Variants in CRYBG3 observed in about 807,000 individuals in gnomAD.
CRYBG3 encodes crystallin beta-gamma domain containing 3.
In CRYBG3, 127 loss-of-function variants were observed where a neutral mutation model predicts 244.2. The ratio of observed to expected loss-of-function variants is 0.52; its 90% CI spans 0.45 to 0.60. The LOEUF is 0.60. Ranked by LOEUF, CRYBG3 falls within the 20% of genes least tolerant of loss-of-function variation. The probability of loss-of-function intolerance (pLI) is 0.00; values close to 1 mark genes in which losing one functional copy is unlikely to be tolerated. For synonymous variants in CRYBG3, 1,132 were observed against 1,195.8 expected, an observed-to-expected ratio of 0.95 and a Z score of 1.10; for missense variants, 3,325 against 3,442.5, an observed-to-expected ratio of 0.97 and a Z score of 0.85.
intron 4 of CRYBG3, 68 bp downstream of exon 4, chr3:97,878,105 C>T: frequency 1.4e-6 from 2 of 1,379,536 alleles, no homozygotes; most frequent in Middle Eastern, 2.0e-4. Context: ...TATCTAAAGG[C>T]TTATTAAGAA....
chr3:97,942,219 G>A (rs779007662), intron 20 of CRYBG3, 65 bp from the exon 21 acceptor site: 68 of 1,419,182 alleles, frequency 4.8e-5, no homozygotes, highest in Non-Finnish European at 6.4e-5. Context: ...AAGATAAAAG[G>A]GACCTAATTC....
intron 15 of CRYBG3, among the ~76,000 whole-genome samples, chr3:97,910,262 G>C (rs1384234181): frequency 2.0e-5 from 3 of 151,650 alleles, no homozygotes; most frequent in South Asian, 4.2e-4. Context: ...TCCTTGAGCT[G>C]TGGTGGGCTC....
intron 2 of CRYBG3, among the ~76,000 whole-genome samples, chr3:97,861,553 G>A (rs1156600326): frequency 6.6e-6 from 1 of 152,140 alleles, no homozygotes; most frequent in Admixed American, 6.6e-5. Context: ...TATTGAACAT[G>A]AGGGAAAAAC....
At chr3:97,825,430 A>T (rs1012150388) in intron 1 of CRYBG3, among the ~76,000 whole-genome samples, 1 of 152,226 alleles carries the variant, frequency 6.6e-6, no homozygotes, top group African/African-American at 2.4e-5. Flanking sequence ...CTGTGCACTT[A>T]CTTCTGGGCT....
chr3:97,917,960 C>T (rs922222246), intron 17 of CRYBG3, among the ~76,000 whole-genome samples: 5 of 152,146 alleles, frequency 3.3e-5, no homozygotes, highest in Admixed American at 1.3e-4. Context: ...TTCTGTGATT[C>T]TCCCCACTAT....
At chr3:97,864,999 A>G (rs1268088122) in intron 3 of CRYBG3, among the ~76,000 whole-genome samples, 1 of 152,120 alleles carries the variant, frequency 6.6e-6, no homozygotes, top group Non-Finnish European at 1.5e-5. Context: ...TATTCTGTCA[A>G]TATCTTTGTT....
chr3:97,912,866 A>G (rs1387137528), intron 16 of CRYBG3, among the ~76,000 whole-genome samples: 1 of 152,094 alleles, frequency 6.6e-6, no homozygotes, highest in Non-Finnish European at 1.5e-5. Flanking sequence ...ATATTCTACA[A>G]TTTTTTTATT....
intron 1 of CRYBG3, among the ~76,000 whole-genome samples, chr3:97,826,548 G>A (rs548960744): frequency 2.0e-5 from 3 of 152,232 alleles, no homozygotes; most frequent in South Asian, 4.1e-4. Flanking sequence ...TATAAGAAAC[G>A]TTAGTTACCA....
At position 97,929,219 on chromosome 3, in the gene CRYBG3, A is replaced by G. The variant is rs193031985; in HGVS notation, c.8242-4475A>G. Among the ~76,000 whole-genome samples the G allele has an allele frequency of 1.1e-3, 162 of 152,132 alleles. 1 individual carries two copies. Among genetic ancestry groups the G allele is most frequent in the Admixed American group, 2.0e-3 (30 of 15,260 alleles). Reference sequence around the variant, plus strand: ...TAGCCACAAATGGTTGGCCAGCTTCAAAGTTAACATGGACTAAGGCGAAGA... The same window carrying G: ...TAGCCACAAATGGTTGGCCAGCTTCGAAGTTAACATGGACTAAGGCGAAGA... On this transcript the variant is annotated intron_variant, in intron 17 of 21. Transcript: ENST00000389622.
At chr3:97,935,153 A>G (rs1238731857) in intron 18 of CRYBG3, among the ~76,000 whole-genome samples, 1 of 152,094 alleles carries the variant, frequency 6.6e-6, no homozygotes, top group Non-Finnish European at 1.5e-5. Flanking sequence ...TCCCCATGCT[A>G]TGCCACATCT....
At chr3:97,898,823 A>G in intron 12 of CRYBG3, 60 bp from the exon 13 acceptor site, 1 of 1,225,530 alleles carries the variant, frequency 8.2e-7, no homozygotes, top group East Asian at 2.4e-5. Flanking sequence ...TTGCTAGATA[A>G]TAGCAGTCCA....
rs1424878311 is a variant in CRYBG3 at position 97,877,112 on chromosome 3, AGAG to A, written c.5922_5924del (p.Arg1975del). ...ATGTCTCTTACTGCAATATATGACAAGAGGAGAGAGACAGATTATAGTGACAAA... is the reference window on the plus strand; with the variant it reads ...ATGTCTCTTACTGCAATATATGACAAGAGAGAGACAGATTATAGTGACAAA... On this transcript the variant is annotated inframe_deletion, in exon 4 of 22. Coordinates refer to ENST00000389622, the MANE Select transcript of CRYBG3 (RefSeq NM_153605.4). 2 of 1,613,454 alleles carry A rather than the reference AGAG, an allele frequency of 1.2e-6. No individual in the cohort carries two copies. The highest frequency in any genetic ancestry group is 1.7e-6 in the Non-Finnish European group (2 of 1,179,698).
intron 2 of CRYBG3, among the ~76,000 whole-genome samples, chr3:97,862,034 C>G (rs1325533405): frequency 6.6e-6 from 1 of 151,342 alleles, no homozygotes; most frequent in Non-Finnish European, 1.5e-5. Flanking sequence ...CTTTAGTAAA[C>G]TTATAGGGAT....
chr3:97,901,037 A>G (rs541467154), intron 15 of CRYBG3, among the ~76,000 whole-genome samples: 1 of 152,298 alleles, frequency 6.6e-6, no homozygotes, highest in African/African-American at 2.4e-5. Flanking sequence ...AACACTTCTA[A>G]TTCAGAAGTC....
chr3:97,845,867 C>T (rs1295401078), intron 2 of CRYBG3, among the ~76,000 whole-genome samples: 2 of 152,112 alleles, frequency 1.3e-5, no homozygotes, highest in East Asian at 3.9e-4. Flanking sequence ...GGTTTCCTTT[C>T]CTTTTGGTCT....
At chr3:97,832,740 G>C (rs989347574) in intron 1 of CRYBG3, among the ~76,000 whole-genome samples, 2 of 152,150 alleles carry the variant, frequency 1.3e-5, no homozygotes, top group African/African-American at 4.8e-5. Context: ...AAACTAAAGA[G>C]CTTCTGCACA....
At chr3:97,854,498 A>G (rs2039036594) in intron 2 of CRYBG3, among the ~76,000 whole-genome samples, 1 of 151,078 alleles carries the variant, frequency 6.6e-6, no homozygotes, top group Admixed American at 6.6e-5. Flanking sequence ...ATGTGTTTCC[A>G]TTTGTTTGTG....
chr3:97,940,286 G>C (rs901594733), intron 19 of CRYBG3, among the ~76,000 whole-genome samples: 2 of 152,026 alleles, frequency 1.3e-5, no homozygotes, highest in African/African-American at 2.4e-5. Context: ...AGAGCAACTA[G>C]TGCATTTCAA....
rs1576538674 is a variant in CRYBG3, at chr3:97,876,459, G to A, written c.5265G>A (p.Val1755=). ...AAAGAGACGGTGGCAAAACTGAGGT[G>A]ATGCCCCTTGCATTAGAGGTAGTAA... The part of the protein sequence containing the change: ...DTERDGGKTE[V]MPLALEVVNT... Residue 1755 remains valine (V), a synonymous_variant, in exon 4 of 22, where the codon GTG becomes GTA. Coordinates refer to ENST00000389622, the MANE Select transcript of CRYBG3 (RefSeq NM_153605.4). 1 of 1,232,086 alleles carries A rather than the reference G, an allele frequency of 8.1e-7. No homozygotes were observed. Among genetic ancestry groups the A allele is most frequent in the East Asian group, 3.2e-5 (1 of 31,702 alleles). 76.3% of individuals were successfully genotyped at this position (1,232,086 alleles called of 1,614,324 possible). A position where few individuals can be genotyped will look rare whatever the true frequency, so the allele number is the denominator to read the frequency against.
Sources: gnomAD v4.1 joint callset for allele counts (sites outside exome capture counted in the v4.1 genomes callset) on GRCh38, gnomAD v4.1.1 for gene constraint, MANE v1.5 for transcripts, NCBI Gene and HGNC (gene_info 2026-07-23, HGNC 2026-07-21) for gene names.